Variants in PRPF38B observed in about 807,000 individuals in gnomAD.
The protein encoded by PRPF38B is pre-mRNA processing factor 38B.
Under a neutral mutation model 67.2 loss-of-function variants are expected in PRPF38B, and 18 were observed. That is an observed-to-expected ratio of 0.27 (90% confidence interval 0.19 to 0.40). The LOEUF (loss-of-function observed/expected upper bound fraction) is 0.40, where lower values mean the gene tolerates loss of function less well. Ranked by LOEUF, PRPF38B falls within the 10% of genes least tolerant of loss-of-function variation. PRPF38B has a pLI of 1.00. For synonymous variants in PRPF38B, 246 were observed against 234.2 expected (o/e 1.05, Z -0.46); for missense variants, 544 against 684.9 (o/e 0.79, Z 2.30).
Position 108,692,671 on chromosome 1 carries a change from A to C in PRPF38B, c.80A>C (p.Gln27Pro), listed in dbSNP as rs554606511. The C allele has an allele frequency of 7.4e-6, 12 of 1,612,646 alleles. No homozygotes were observed. In the African/African-American group the frequency reaches 1.3e-4, roughly 18 times the overall value. ...QAAAAAAQQQ[Q>P]QCGGGGATKP... ...GCTGCAGCTGCGGCTCAGCAACAGC[A>C]GCAGTGCGGCGGCGGCGGCGCTACC... The change falls in exon 1 of 6, where the codon CAG becomes CCG. Residue 27 changes from glutamine (Q) to proline (P), a missense_variant. Gln to Pro is a moderately conservative substitution (Grantham distance 76, BLOSUM62 -1). Coordinates refer to ENST00000370025, the MANE Select transcript of PRPF38B (RefSeq NM_018061.4).
At position 108,692,780 on chromosome 1, in the gene PRPF38B, G is replaced by A; in HGVS notation, c.189G>A (p.Leu63=). The A allele has an allele frequency of 5.0e-6, 8 of 1,614,146 alleles. No homozygotes were observed. Among genetic ancestry groups the A allele is most frequent in the Non-Finnish European group, 6.8e-6 (8 of 1,180,036 alleles). ...EKTMNLNPMI[L]TNILSSPYFK... is the part of the protein sequence containing the mutation. ...CCATGAACCTCAACCCCATGATCCT[G>A]ACCAACATCCTGTCGTCGCCTTACT... The change falls in exon 1 of 6, where the codon CTG becomes CTA. Residue 63 remains leucine (L), a synonymous_variant. Coordinates refer to ENST00000370025, the MANE Select transcript of PRPF38B (RefSeq NM_018061.4).
chr1:108,698,077 C>G (rs1018446561), intron 4 of PRPF38B: 1 of 152,204 alleles, frequency 6.6e-6, no homozygotes, highest in South Asian at 2.1e-4. Context: ...ATTATTTGTT[C>G]ATTTATTTAT....
Position 108,692,387 on chromosome 1 carries a change from GGTCTGGGTTTCGCT to G in PRPF38B, c.-199_-186del, listed in dbSNP as rs995500278. 1 of 593,892 alleles carries G rather than the reference GGTCTGGGTTTCGCT, an allele frequency of 1.7e-6. No individual in the cohort carries two copies. The highest frequency in any genetic ancestry group is 1.9e-5 in the African/African-American group (1 of 52,828). 36.8% of individuals were successfully genotyped at this position (593,892 alleles called of 1,614,324 possible). On this transcript the variant is annotated 5_prime_UTR_variant, in exon 1 of 6. Transcript: ENST00000370025. ...CTCGCCTTCTGCGTGGAGTTCTCGC[GGTCTGGGTTTCGCT>G]GTCTGCTCTTGGCCCGGGGTCATTT...
At position 108,700,134 on chromosome 1, in the gene PRPF38B, G is replaced by A; in HGVS notation, c.*114G>A. On this transcript the variant is annotated 3_prime_UTR_variant, in exon 6 of 6. Coordinates refer to ENST00000370025, the MANE Select transcript of PRPF38B (RefSeq NM_018061.4). The stretch of plus-strand genomic sequence containing the variant: ...ACTCCTCAAGCTCTCCCTGTAGGCT[G>A]CATTTTCATTTCCTCTTTCGTGTAG... The A allele has an allele frequency of 2.1e-6, 3 of 1,421,700 alleles. No individual in the cohort carries two copies. The highest frequency in any genetic ancestry group is 2.5e-5 in the East Asian group (1 of 40,802). 88.1% of individuals were successfully genotyped at this position (1,421,700 alleles called of 1,614,324 possible).
Position 108,701,098 on chromosome 1 carries a change from C to G in PRPF38B, c.*1078C>G, listed in dbSNP as rs192795719. ...GTGCTGCATTATTTAAGACTATCAG[C>G]AAATTATTTGATAGATTGTTCTTAC... is the stretch of plus-strand genomic sequence containing the variant. On this transcript the variant is annotated 3_prime_UTR_variant, in exon 6 of 6. Transcript: ENST00000370025. 1 of 152,678 alleles carries G rather than the reference C, an allele frequency of 6.5e-6. No homozygotes were observed. Among genetic ancestry groups the G allele is most frequent in the Admixed American group, 6.5e-5 (1 of 15,300 alleles). The allele number at this position is 152,678 out of a possible 1,614,324, so 9.5% of individuals were successfully genotyped here.
chr1:108,700,789 T>A lies in PRPF38B; in HGVS notation c.*769T>A, dbSNP rs1471408470. ...TTTTTTTCTTGAATTCTTTCTCAGA[T>A]TTTAAAGTACTATATTAAAGAAAAA... On this transcript the variant is annotated 3_prime_UTR_variant, in exon 6 of 6. Transcript: ENST00000370025. 6.6e-6 allele frequency: 1 copy of A among 152,586 alleles called. No individual in the cohort carries two copies. The highest frequency in any genetic ancestry group is 2.4e-5 in the African/African-American group (1 of 41,434). The allele number at this position is 152,586 out of a possible 1,614,324, so 9.5% of individuals were successfully genotyped here.
chr1:108,702,680 T>G lies in PRPF38B; in HGVS notation c.*2660T>G, dbSNP rs1307535947. 2.6e-5 allele frequency among the ~76,000 whole-genome samples: 4 copies of G among 152,034 alleles called. No individual in the cohort carries two copies. Among genetic ancestry groups the G allele is most frequent in the African/African-American group, 9.7e-5 (4 of 41,378 alleles). On this transcript the variant is annotated 3_prime_UTR_variant, in exon 6 of 6. Coordinates refer to ENST00000370025, the MANE Select transcript of PRPF38B (RefSeq NM_018061.4). ...GAGGGATAATATTAGGAGAAATACCTAATGTAGATGACAGGTTGATGGGTG... is the reference window on the plus strand; with the variant it reads ...GAGGGATAATATTAGGAGAAATACCGAATGTAGATGACAGGTTGATGGGTG...
chr1:108,692,777 C>T lies in PRPF38B; in HGVS notation c.186C>T (p.Ile62=), dbSNP rs1361539772. Residue 62 remains isoleucine, a synonymous_variant, in exon 1 of 6, where the codon ATC becomes ATT. Transcript: ENST00000370025. ...NEKTMNLNPM[I]LTNILSSPYF... ...AGACCATGAACCTCAACCCCATGATCCTGACCAACATCCTGTCGTCGCCTT... is the reference window on the plus strand; with the variant it reads ...AGACCATGAACCTCAACCCCATGATTCTGACCAACATCCTGTCGTCGCCTT... The T allele has an allele frequency of 3.1e-6, 5 of 1,614,070 alleles. No homozygotes were observed. Among genetic ancestry groups the T allele is most frequent in the African/African-American group, 1.3e-5 (1 of 74,948 alleles).
chr1:108,699,720 AAGT>A lies in PRPF38B; in HGVS notation c.1344_1346del (p.Ser448del), dbSNP rs1421115884. The A allele has an allele frequency of 1.9e-6, 3 of 1,613,162 alleles. No homozygotes were observed. The highest frequency in any genetic ancestry group is 2.2e-5 in the South Asian group (2 of 90,928). On this transcript the variant is annotated inframe_deletion, in exon 6 of 6. Coordinates refer to ENST00000370025, the MANE Select transcript of PRPF38B (RefSeq NM_018061.4). ...GTCGAAGTAGAAATGCAGGGAAACG[AAGT>A]AGAAGTAGAAGCAAAGAGAAATCAA...
Position 108,698,777 on chromosome 1 carries a change from G to A in PRPF38B, c.732G>A (p.Gly244=), listed in dbSNP as rs1264554571. The A allele has an allele frequency of 6.2e-7, 1 of 1,613,928 alleles. No individual in the cohort carries two copies. The stretch of plus-strand genomic sequence containing the variant: ...GACCTAGAAAAATCAAGAAAGATGG[G>A]AAGGAAGGTGCTGAGGAAATAGACA... ...KTRPRKIKKD[G]KEGAEEIDRH... is the part of the protein sequence containing the mutation. Residue 244 remains glycine, a synonymous_variant, in exon 5 of 6, where the codon GGG becomes GGA. Coordinates refer to ENST00000370025, the MANE Select transcript of PRPF38B (RefSeq NM_018061.4).
At chr1:108,697,530 AT>A (rs1477809776) in intron 4 of PRPF38B, 1 of 94,228 alleles carries the variant, frequency 1.1e-5, no homozygotes, top group African/African-American at 4.2e-5. Context: ...GAGAATTTTT[AT>A]TTTTCTCTTT....
intron 5 of PRPF38B, 125 bp downstream of exon 5, chr1:108,698,952 C>T (rs1660156313): frequency 3.1e-6 from 4 of 1,290,244 alleles, no homozygotes; most frequent in South Asian, 1.6e-5. Flanking sequence ...GTCACTTTTA[C>T]CCCCCAAAGA....
intron 1 of PRPF38B, chr1:108,693,576 TG>T: frequency 1.0e-6 from 1 of 983,786 alleles, no homozygotes; most frequent in Non-Finnish European, 1.2e-6. Context: ...TCTCAGTTCT[TG>T]TTTCGTTAGC....
chr1:108,696,881 A>T, intron 4 of PRPF38B: 1 of 628,864 alleles, frequency 1.6e-6, no homozygotes. Context: ...CAGTTTTCTG[A>T]CTCCTAGTAC....
chr1:108,697,679 A>G (rs992587243), intron 4 of PRPF38B: 1 of 152,172 alleles, frequency 6.6e-6, no homozygotes, highest in Non-Finnish European at 1.5e-5. Flanking sequence ...TTCTGTCTTT[A>G]AAAAAGCATG....
chr1:108,702,368 C>T lies in PRPF38B; in HGVS notation c.*2348C>T, dbSNP rs1371014667. The stretch of plus-strand genomic sequence containing the variant: ...TGAACTCCTGGCCTCAAGTGATCCA[C>T]CCACCTCAGCCTCCCAAAGCGCTGT... On this transcript the variant is annotated 3_prime_UTR_variant, in exon 6 of 6. Transcript: ENST00000370025. 6.6e-6 allele frequency among the ~76,000 whole-genome samples: 1 copy of T among 152,186 alleles called. No individual in the cohort carries two copies. Among genetic ancestry groups the T allele is most frequent in the Non-Finnish European group, 1.5e-5 (1 of 68,032 alleles).
rs948998806 is a variant in PRPF38B at position 108,692,636 on chromosome 1, G to C, written c.45G>C (p.Gln15His). 1.9e-6 allele frequency: 3 copies of C among 1,605,250 alleles called. No individual in the cohort carries two copies. The highest frequency in any genetic ancestry group is 2.6e-6 in the Non-Finnish European group (3 of 1,176,186). ...SPALTGNSQP[Q>H]HQAAAAAAQQ... ...CGCTGACAGGCAACTCGCAGCCGCA[G>C]CACCAGGCGGCTGCAGCTGCGGCTC... The change falls in exon 1 of 6, where the codon CAG (glutamine) becomes CAC (histidine). Residue 15 changes from glutamine (Q) to histidine (H), a missense_variant. Around this residue, in one of 5 missense-constraint regions of PRPF38B, gnomAD observed 70 missense variants for 58.4 expected, o/e 1.20. Coordinates refer to ENST00000370025, the MANE Select transcript of PRPF38B (RefSeq NM_018061.4).
In PRPF38B at chr1:108,692,557, C is replaced by G. The variant is rs964574746; in HGVS notation, c.-35C>G. On this transcript the variant is annotated 5_prime_UTR_variant, in exon 1 of 6. Transcript: ENST00000370025. ...CGAGATCGAGCTTGGCCCCCTCCCC[C>G]CCCTCCTTCCCTCCCTCCTTCCTTC... 7 of 1,503,048 alleles carry G rather than the reference C, an allele frequency of 4.7e-6. No individual in the cohort carries two copies. Among genetic ancestry groups the G allele is most frequent in the African/African-American group, 1.4e-5 (1 of 71,996 alleles). 93.1% of individuals were successfully genotyped at this position (1,503,048 alleles called of 1,614,324 possible).
chr1:108,694,246 C>A (rs1659631106), intron 1 of PRPF38B, among the ~76,000 whole-genome samples: 1 of 152,118 alleles, frequency 6.6e-6, no homozygotes. Flanking sequence ...AACATTTAAT[C>A]CTTAGCTTTA....
Sources: gnomAD v4.1 joint callset for allele counts (sites outside exome capture counted in the v4.1 genomes callset) on GRCh38, gnomAD v4.1.1 for gene constraint, gnomAD v4.1.1 regional missense constraint, MANE v1.5 for transcripts, NCBI Gene and HGNC (gene_info 2026-07-23, HGNC 2026-07-21) for gene names.